Variants in ZNF304 observed in about 807,000 individuals in gnomAD.
The protein encoded by ZNF304 is KRAB-containing zinc finger protein.
In ZNF304, 7 loss-of-function variants were observed where a neutral mutation model predicts 7.8. The ratio of observed to expected loss-of-function variants is 0.90; its 90% CI spans 0.51 to 1.69. The LOEUF (loss-of-function observed/expected upper bound fraction) is 1.69, where lower values mean the gene tolerates loss of function less well. Among genes scored for constraint, ZNF304 ranks in the 40% most tolerant of loss-of-function variants. The pLI is 0.00. For missense variants in ZNF304, 669 were observed against 804.8 expected, an observed-to-expected ratio of 0.83 and a Z score of 2.04; for synonymous variants, 280 against 272.4, an observed-to-expected ratio of 1.03 and a Z score of -0.27.
Position 57,353,867 on chromosome 19 carries a change from A to G in ZNF304, c.160+16A>G. 1 of 1,554,118 alleles carries G rather than the reference A, an allele frequency of 6.4e-7. No individual in the cohort carries two copies. The highest frequency in any genetic ancestry group is 8.7e-7 in the Non-Finnish European group (1 of 1,148,428). ...GCTACACTAGGTAAGTCTGTGTTTT[A>G]GTTATCTAATGCTACATGGCAAATT... On this transcript the variant is annotated intron_variant, in intron 2 of 2. Coordinates refer to ENST00000282286, the MANE Select transcript of ZNF304 (RefSeq NM_020657.4).
At position 57,357,480 on chromosome 19, in the gene ZNF304, G is replaced by A. The variant is rs574218344; in HGVS notation, c.1611G>A (p.Gly537=). ...GAKPYECNEC[G]KCFSHNSSLI... ...AGCCTTATGAGTGCAATGAATGTGG[G>A]AAATGCTTTAGCCACAACTCCAGCC... Residue 537 remains glycine, a synonymous_variant, in exon 3 of 3, where the codon GGG becomes GGA. Coordinates refer to ENST00000282286, the MANE Select transcript of ZNF304 (RefSeq NM_020657.4). 3.1e-6 allele frequency: 5 copies of A among 1,613,092 alleles called. No individual in the cohort carries two copies. In the South Asian group the frequency reaches 4.4e-5, roughly 14 times the overall value.
rs376869293 is a variant in ZNF304 at position 57,355,942 on chromosome 19, C to T, written c.161-88C>T. 12 of 1,421,250 alleles carry T rather than the reference C, an allele frequency of 8.4e-6. No homozygotes were observed. In the East Asian group the frequency reaches 1.6e-4, roughly 19 times the overall value. The allele number at this position is 1,421,250 out of a possible 1,614,324, so 88.0% of individuals were successfully genotyped here. A position where few individuals can be genotyped will look rare whatever the true frequency, so the allele number is the denominator to read the frequency against. On this transcript the variant is annotated intron_variant, in intron 2 of 2. Coordinates refer to ENST00000282286, the MANE Select transcript of ZNF304 (RefSeq NM_020657.4). ...TGTCCTGCCAACAAGCCAGTGGACT[C>T]GCACTGGTGTTAGACACACATTTGT...
rs530633684 is a variant in ZNF304 at position 57,354,889 on chromosome 19, T to A, written c.160+1038T>A. The stretch of plus-strand genomic sequence containing the variant: ...TGTTTCCCAGAGTAGGTGCTGTGGG[T>A]TCTAGGGCTGGCTGTGTTCAGTGTT... On this transcript the variant is annotated intron_variant, in intron 2 of 2. Transcript: ENST00000282286. Among the ~76,000 whole-genome samples, 4 of 152,306 alleles carry A rather than the reference T, an allele frequency of 2.6e-5. No individual in the cohort carries two copies. In the South Asian group the frequency reaches 8.3e-4, roughly 32 times the overall value.
At position 57,351,518 on chromosome 19, in the gene ZNF304, C is replaced by T; in HGVS notation, c.-147C>T. 1.0e-6 allele frequency: 1 copy of T among 993,490 alleles called. No individual in the cohort carries two copies. Among genetic ancestry groups the T allele is most frequent in the Non-Finnish European group, 1.5e-6 (1 of 648,522 alleles). 61.5% of individuals were successfully genotyped at this position (993,490 alleles called of 1,614,324 possible). A position where few individuals can be genotyped will look rare whatever the true frequency, so the allele number is the denominator to read the frequency against. ...CACGTCCTCTTGTCCTTGTCTCCCC[C>T]AGAAGCAGCCGCCTTAGTCTTGTGA... is the stretch of plus-strand genomic sequence containing the variant. On this transcript the variant is annotated 5_prime_UTR_variant, in exon 1 of 3. Coordinates refer to ENST00000282286, the MANE Select transcript of ZNF304 (RefSeq NM_020657.4). The surrounding 1 kb of genome is among the most constrained non-coding windows in gnomAD (Gnocchi z 4.1).
At position 57,357,356 on chromosome 19, in the gene ZNF304, T is replaced by G. The variant is rs2088358961; in HGVS notation, c.1487T>G (p.Ile496Ser). 1 of 1,613,800 alleles carries G rather than the reference T, an allele frequency of 6.2e-7. No homozygotes were observed. Among genetic ancestry groups the G allele is most frequent in the Non-Finnish European group, 8.5e-7 (1 of 1,179,960 alleles). The change falls in exon 3 of 3, where the codon ATC (isoleucine) becomes AGC (serine). Residue 496 changes from isoleucine to serine, a missense_variant. Transcript: ENST00000282286. ...GACACACTTGTGCAACACCAAAAAA[T>G]CCACACTGGAGAAAGGCCTTATGAG... ...RKDTLVQHQK[I>S]HTGERPYECG...
rs1157403510 is a variant in ZNF304 at position 57,357,423 on chromosome 19, T to C, written c.1554T>C (p.Leu518=). The C allele has an allele frequency of 6.2e-7, 1 of 1,614,056 alleles. No homozygotes were observed. The highest frequency in any genetic ancestry group is 1.1e-5 in the South Asian group (1 of 91,078). The part of the protein sequence containing the change: ...CGKFFSHSSN[L]IVHQRIHTGA... ...AATTCTTCAGCCATAGCTCCAACCT[T>C]ATTGTACACCAGAGAATTCACACTG... Residue 518 remains leucine (L), a synonymous_variant, in exon 3 of 3, where the codon CTT becomes CTC. Coordinates refer to ENST00000282286, the MANE Select transcript of ZNF304 (RefSeq NM_020657.4).
rs1345686314 is a variant in ZNF304 at position 57,357,765 on chromosome 19, T to G, written c.1896T>G (p.Arg632=). 6.2e-7 allele frequency: 1 copy of G among 1,614,130 alleles called. No homozygotes were observed. The highest frequency in any genetic ancestry group is 1.1e-5 in the South Asian group (1 of 91,062). Residue 632 remains arginine, a synonymous_variant, in exon 3 of 3, where the codon CGT becomes CGG. Coordinates refer to ENST00000282286, the MANE Select transcript of ZNF304 (RefSeq NM_020657.4). ...KAYSRSSHLV[R]HQKAHTGERA... ...ATAGCAGAAGCTCCCATCTTGTTCG[T>G]CACCAGAAAGCTCACACTGGAGAAA... is the stretch of plus-strand genomic sequence containing the variant.
chr19:57,353,608 G>A (rs71354046), intron 1 of ZNF304, 117 bp from the exon 2 acceptor site: 10 of 1,411,794 alleles, frequency 7.1e-6, no homozygotes, highest in South Asian at 4.8e-5. Flanking sequence ...TCTCCTCTTA[G>A]TTGGGAGGCT....
At chr19:57,354,804 C>T (rs950622615) in intron 2 of ZNF304, among the ~76,000 whole-genome samples, 6 of 152,264 alleles carry the variant, frequency 3.9e-5, no homozygotes, top group Middle Eastern at 3.4e-3. Context: ...GTCTTCTTCT[C>T]TTCCCCATGG....
Position 57,357,613 on chromosome 19 carries a change from A to C in ZNF304, c.1744A>C (p.Thr582Pro). 1 of 1,614,254 alleles carries C rather than the reference A, an allele frequency of 6.2e-7. No individual in the cohort carries two copies. Among genetic ancestry groups the C allele is most frequent in the Non-Finnish European group, 8.5e-7 (1 of 1,180,032 alleles). Residue 582 changes from threonine (T) to proline (P), a missense_variant, in exon 3 of 3, where the codon ACT becomes CCT. Coordinates refer to ENST00000282286, the MANE Select transcript of ZNF304 (RefSeq NM_020657.4). ...SHLVQHKKVH[T>P]GARPYECSEC... ...CCTTGTTCAACACAAGAAAGTTCAC[A>C]CTGGAGCAAGACCTTATGAGTGCAG...
Position 57,352,017 on chromosome 19 carries a change from G to A in ZNF304, c.33+320G>A, listed in dbSNP as rs562810383. 10 of 352,252 alleles carry A rather than the reference G, an allele frequency of 2.8e-5. No homozygotes were observed. The South Asian group carries it at 4.8e-4, about 17-fold the overall frequency. The allele number at this position is 352,252 out of a possible 1,614,324, so 21.8% of individuals were successfully genotyped here. ...CTCTTCTGAGGGTGCTGGGAGTCAT[G>A]CAAGGTTTGGTACAGAGAAGGGAGG... On this transcript the variant is annotated intron_variant, in intron 1 of 2. Coordinates refer to ENST00000282286, the MANE Select transcript of ZNF304 (RefSeq NM_020657.4).
Position 57,351,819 on chromosome 19 carries a change from C to A in ZNF304, c.33+122C>A. 1.9e-6 allele frequency: 2 copies of A among 1,079,238 alleles called. No homozygotes were observed. Among genetic ancestry groups the A allele is most frequent in the Non-Finnish European group, 2.7e-6 (2 of 748,576 alleles). 66.9% of individuals were successfully genotyped at this position (1,079,238 alleles called of 1,614,324 possible). ...TTATGTGGAGGGGTTCCGCTCCCCT[C>A]ATCAGTGGCATAAGGTGTGGAACGG... is the stretch of plus-strand genomic sequence containing the variant. On this transcript the variant is annotated intron_variant, in intron 1 of 2. Coordinates refer to ENST00000282286, the MANE Select transcript of ZNF304 (RefSeq NM_020657.4). This position sits in a 1 kb window ranked among gnomAD's most constrained non-coding sequence, Gnocchi z 4.1.
intron 2 of ZNF304, 134 bp from the exon 3 acceptor site, chr19:57,355,896 T>A: frequency 9.7e-7 from 1 of 1,032,606 alleles, no homozygotes; most frequent in Non-Finnish European, 1.4e-6. Context: ...CAGCCCTTCT[T>A]TACACTGATC....
In ZNF304 at chr19:57,356,426, A is replaced by G; in HGVS notation, c.557A>G (p.Gln186Arg). ...LPDSSGLFQH[Q>R]TTYNRVSPCR... ...GATAGCTCTGGCCTTTTCCAGCACC[A>G]GACCACTTACAATAGGGTGAGTCCA... Residue 186 changes from glutamine (Q) to arginine (R), a missense_variant, in exon 3 of 3, where the codon CAG becomes CGG. Gln to Arg is a conservative substitution (Grantham distance 43). Coordinates refer to ENST00000282286, the MANE Select transcript of ZNF304 (RefSeq NM_020657.4). 1 of 1,614,230 alleles carries G rather than the reference A, an allele frequency of 6.2e-7. No homozygotes were observed. Among genetic ancestry groups the G allele is most frequent in the East Asian group, 2.2e-5 (1 of 44,884 alleles).
rs576177925 is a variant in ZNF304 at position 57,359,022 on chromosome 19, A to T, written c.*1173A>T. On this transcript the variant is annotated 3_prime_UTR_variant, in exon 3 of 3. Coordinates refer to ENST00000282286, the MANE Select transcript of ZNF304 (RefSeq NM_020657.4). ...ACTGTGGCAAACAAAAGGAGATTCG[A>T]ACATTCTAGAGGGGCATCCACAAGT... 2.0e-5 allele frequency: 3 copies of T among 152,206 alleles called. No individual in the cohort carries two copies. The East Asian group carries it at 5.8e-4, about 29-fold the overall frequency. The allele number at this position is 152,206 out of a possible 1,614,324, so 9.4% of individuals were successfully genotyped here.
At position 57,355,264 on chromosome 19, in the gene ZNF304, G is replaced by A. The variant is rs553486749; in HGVS notation, c.161-766G>A. 89 of 765,074 alleles carry A rather than the reference G, an allele frequency of 1.2e-4. 2 individuals are homozygous for A. Among genetic ancestry groups the A allele is most frequent in the South Asian group, 8.6e-4 (64 of 74,606 alleles). The allele number at this position is 765,074 out of a possible 1,614,324, so 47.4% of individuals were successfully genotyped here. A position where few individuals can be genotyped will look rare whatever the true frequency, so the allele number is the denominator to read the frequency against. ...CGCCACTCACCTGCCCTTTGTTTGC[G>A]TTACAGCTTTCATTTTCCCAGTCCC... is the stretch of plus-strand genomic sequence containing the variant. On this transcript the variant is annotated intron_variant, in intron 2 of 2. Coordinates refer to ENST00000282286, the MANE Select transcript of ZNF304 (RefSeq NM_020657.4).
rs117111481 is a variant in ZNF304 at position 57,351,684 on chromosome 19, T to C, written c.20T>C (p.Met7Thr). 0.022 allele frequency: 35,620 copies of C among 1,612,892 alleles called. 530 individuals carry two copies. Among genetic ancestry groups the C allele is most frequent in the Non-Finnish European group, 0.025 (29,455 of 1,179,496 alleles). Residue 7 changes from methionine (M) to threonine (T), a missense_variant, in exon 1 of 3, where the codon ATG (methionine) becomes ACG (threonine). By Grantham distance (81) the Met-to-Thr change is moderately conservative. Transcript: ENST00000282286. The surrounding 1 kb of genome is among the most constrained non-coding windows in gnomAD (Gnocchi z 4.1). Reference protein sequence around the residue: MAAAVLMDRVQSCVTFE... With the variant: MAAAVLTDRVQSCVTFE... Reference sequence around the variant, plus strand: ...CTTCTCATGGCAGCGGCGGTGCTGATGGACCGGGTTCAGGTGAGTGGGGGC... The same window carrying C: ...CTTCTCATGGCAGCGGCGGTGCTGACGGACCGGGTTCAGGTGAGTGGGGGC...
In ZNF304 at chr19:57,357,654, C is replaced by A. The variant is rs916473692; in HGVS notation, c.1785C>A (p.Phe595Leu). The stretch of plus-strand genomic sequence containing the variant: ...ATGAGTGCAGTGAATGTGGGAAATT[C>A]TTTAGCCGCAACTCTGGCCTCATTC... ...RPYECSECGK[F>L]FSRNSGLILH... The change falls in exon 3 of 3, where the codon TTC becomes TTA. Residue 595 changes from phenylalanine (F) to leucine (L), a missense_variant. By Grantham distance (22) the Phe-to-Leu change is conservative. Transcript: ENST00000282286. The A allele has an allele frequency of 2.5e-6, 4 of 1,614,054 alleles. No homozygotes were observed. Among genetic ancestry groups the A allele is most frequent in the African/African-American group, 1.3e-5 (1 of 74,920 alleles).
rs2088400092 is a variant in ZNF304 at position 57,359,893 on chromosome 19, T to C, written c.*2044T>C. Reference sequence around the variant, plus strand: ...ACAAATAAACCTCTGAAGATTTGTGTGCAAATTATGGCTGAATGATATTCC... The same window carrying C: ...ACAAATAAACCTCTGAAGATTTGTGCGCAAATTATGGCTGAATGATATTCC... On this transcript the variant is annotated 3_prime_UTR_variant, in exon 3 of 3. Transcript: ENST00000282286. The C allele has an allele frequency of 6.6e-6, 1 of 152,248 alleles. No individual in the cohort carries two copies. The highest frequency in any genetic ancestry group is 6.5e-5 in the Admixed American group (1 of 15,286). The allele number at this position is 152,248 out of a possible 1,614,324, so 9.4% of individuals were successfully genotyped here.
Sources: allele counts gnomAD v4.1 joint callset (sites outside exome capture counted in the v4.1 genomes callset), GRCh38; gene constraint gnomAD v4.1.1; non-coding constraint Gnocchi (gnomAD v3.1); transcripts MANE v1.5; gene names NCBI Gene and HGNC (gene_info 2026-07-23, HGNC 2026-07-21).